The following SPINK5 variants were observed in gnomAD, a reference collection of about 807,000 sequenced individuals.
SPINK5 encodes the protein serine peptidase inhibitor Kazal type 5.
In SPINK5, 125 loss-of-function variants were observed where a neutral mutation model predicts 151.8. The ratio of observed to expected loss-of-function variants is 0.82; its 90% CI spans 0.71 to 0.96. SPINK5 has a LOEUF of 0.96. Among genes scored for constraint, SPINK5 ranks in the 40% least tolerant of loss-of-function variants. SPINK5 has a pLI of 0.00. For missense variants in SPINK5, 1,194 were observed against 1,291.9 expected, an observed-to-expected ratio of 0.92 and a Z score of 1.16; for synonymous variants, 374 against 395.3, an observed-to-expected ratio of 0.95 and a Z score of 0.64.
intron 29 of SPINK5, among the ~76,000 whole-genome samples, 192 bp downstream of exon 29, chr5:148,126,042 A>T (rs2035622010): frequency 1.3e-5 from 2 of 152,226 alleles, no homozygotes; most frequent in African/African-American, 4.8e-5. Context: ...AAAATTCCGT[A>T]TGTAAGTTCT....
chr5:148,108,900 T>G lies in SPINK5; in HGVS notation c.1692+63T>G, dbSNP rs1753849577. 4.4e-6 allele frequency: 7 copies of G among 1,599,318 alleles called. No individual in the cohort carries two copies. In the South Asian group the frequency reaches 7.8e-5, roughly 18 times the overall value. On this transcript the variant is annotated intron_variant, in intron 18 of 32. Transcript: ENST00000256084. ...AACGATCACTCTCCCTAGGGAGGGC[T>G]CCTATTCCCTCCTCCTCATTCCAGT...
chr5:148,091,118 A>T, intron 7 of SPINK5, 47 bp from the exon 8 acceptor site: 1 of 1,522,806 alleles, frequency 6.6e-7, no homozygotes. Flanking sequence ...GGATACTGAA[A>T]ATATGATTGA....
Position 148,096,027 on chromosome 5 carries a change from G to A in SPINK5, c.882+122G>A, listed in dbSNP as rs11948406. On this transcript the variant is annotated intron_variant, in intron 10 of 32. Transcript: ENST00000256084. ...TTGTTTAATATTTTCCACACTACTA[G>A]TAGGTTTGCTGGAAACTAATTTCTA... 0.49 allele frequency: 381,060 copies of A among 776,296 alleles called. 96,102 individuals are homozygous for A. The highest frequency in any genetic ancestry group is 0.64 in the Admixed American group (28,711 of 44,750). The allele number at this position is 776,296 out of a possible 1,614,324, so 48.1% of individuals were successfully genotyped here.
Position 148,089,513 on chromosome 5 carries a change from G to T in SPINK5, c.494G>T (p.Arg165Leu), listed in dbSNP as rs781071677. The change falls in exon 7 of 33, where the codon CGG (arginine) becomes CTG (leucine). Residue 165 changes from arginine (R) to leucine (L), a missense_variant. Transcript: ENST00000256084. ...CTTCAGGATGTATGCAGTGCTTTTC[G>T]GCCCTTTGTTAGAGATGGAAGACTT... ...NPEQDVCSAF[R>L]PFVRDGRLGC... The T allele has an allele frequency of 6.2e-7, 1 of 1,611,418 alleles. No homozygotes were observed. Among genetic ancestry groups the T allele is most frequent in the African/African-American group, 1.3e-5 (1 of 74,574 alleles).
intron 6 of SPINK5, chr5:148,089,156 G>T (rs1483019312): frequency 2.1e-6 from 1 of 470,822 alleles, no homozygotes; most frequent in Non-Finnish European, 4.2e-6. Flanking sequence ...GAGCACCTGA[G>T]GTGACTTGCA....
intron 22 of SPINK5, 28 bp downstream of exon 22, chr5:148,116,494 T>C: frequency 6.2e-7 from 1 of 1,609,208 alleles, no homozygotes; most frequent in Non-Finnish European, 8.5e-7. Context: ...TTTCAGTAAC[T>C]GGGGCGGGCT....
chr5:148,064,379 T>C (rs184489536), intron 1 of SPINK5, among the ~76,000 whole-genome samples: 1 of 152,334 alleles, frequency 6.6e-6, no homozygotes, highest in African/African-American at 2.4e-5. Flanking sequence ...TAGATTCTTC[T>C]TCATCTTCCT....
Position 148,086,422 on chromosome 5 carries a change from TA to T in SPINK5, c.306del (p.Gly103GlufsTer43). ...TTTTGCAGCTGAATTGTGATGATTTTAAAAAAGGAGAAAGAGATGGGGATTT... is the reference window on the plus strand; with the variant it reads ...TTTTGCAGCTGAATTGTGATGATTTTAAAAAGGAGAAAGAGATGGGGATTT... Reference protein sequence around the residue: ...APTELNCDDFKKGERDGDFIC... With the variant: ...APTELNCDDFXKGERDGDFIC... On this transcript the variant is annotated frameshift_variant, in exon 5 of 33. Transcript: ENST00000256084. LOFTEE classifies it high-confidence loss of function. The T allele has an allele frequency of 6.2e-7, 1 of 1,611,198 alleles. No homozygotes were observed. Among genetic ancestry groups the T allele is most frequent in the Non-Finnish European group, 8.5e-7 (1 of 1,178,514 alleles).
chr5:148,112,293 ATATCTT>A (rs1335623947), intron 19 of SPINK5, among the ~76,000 whole-genome samples: 1 of 152,216 alleles, frequency 6.6e-6, no homozygotes, highest in South Asian at 2.1e-4. Context: ...GAGAAGAACA[ATATCTT>A]TATTTTTCAA....
chr5:148,099,818 C>T (rs1002040199), intron 12 of SPINK5, among the ~76,000 whole-genome samples: 4 of 152,106 alleles, frequency 2.6e-5, no homozygotes, highest in African/African-American at 9.7e-5. Flanking sequence ...CCTTGCCCAA[C>T]CAGTCTCCCT....
rs752634689 is a variant in SPINK5 at position 148,112,888 on chromosome 5, AAGAAAG to A, written c.1844_1849del (p.Glu615_Arg616del). ...TATAGCCAGCAAGAAGCAAAAGAAA[AAGAAAG>A]AGCTGAACCCAGAGCAAAAGTCAAA... On this transcript the variant is annotated inframe_deletion, in exon 20 of 33. Transcript: ENST00000256084. 11 of 1,613,880 alleles carry A rather than the reference AAGAAAG, an allele frequency of 6.8e-6. No homozygotes were observed. Among genetic ancestry groups the A allele is most frequent in the Admixed American group, 5.0e-5 (3 of 59,958 alleles).
At chr5:148,112,680 A>G (rs980953519) in intron 19 of SPINK5, among the ~76,000 whole-genome samples, 188 bp from the exon 20 acceptor site, 1 of 149,764 alleles carries the variant, frequency 6.7e-6, no homozygotes, top group South Asian at 2.2e-4. Context: ...TCAAAAAAAA[A>G]CCAAAAAACA....
chr5:148,068,565 AAAAAAAAAAAAAAAAAG>A (rs1255344241), intron 2 of SPINK5, among the ~76,000 whole-genome samples: 89 of 144,408 alleles, frequency 6.2e-4, no homozygotes, highest in African/African-American at 2.4e-3. Flanking sequence ...AAAAAAAAAA[AAAAAAAAAAAAAAAAAG>A]AAAGAAAGAA....
rs748767271 is a variant in SPINK5 at position 148,120,147 on chromosome 5, T to C, written c.2441+11T>C. 1 of 1,614,138 alleles carries C rather than the reference T, an allele frequency of 6.2e-7. No homozygotes were observed. Among genetic ancestry groups the C allele is most frequent in the Non-Finnish European group, 8.5e-7 (1 of 1,179,972 alleles). On this transcript the variant is annotated intron_variant, in intron 25 of 32. Coordinates refer to ENST00000256084, the MANE Select transcript of SPINK5 (RefSeq NM_006846.4). Reference sequence around the variant, plus strand: ...GTGTAAGGAAAAACTGTGAGTATGTTTCAAAATGAGCTTTTGACTGTGAGT... The same window carrying C: ...GTGTAAGGAAAAACTGTGAGTATGTCTCAAAATGAGCTTTTGACTGTGAGT...
chr5:148,068,618 C>A (rs553543898), intron 2 of SPINK5, among the ~76,000 whole-genome samples: 1 of 144,416 alleles, frequency 6.9e-6, no homozygotes, highest in African/African-American at 2.6e-5. Context: ...GCACAAAACA[C>A]CAGATATAGA....
chr5:148,129,516 A>AG (rs1754522945), intron 30 of SPINK5, among the ~76,000 whole-genome samples: 6 of 30,924 alleles, frequency 1.9e-4, no homozygotes, highest in Non-Finnish European at 6.4e-4. Flanking sequence ...TAAAAAAATG[A>AG]AGAGAGAGAG....
At chr5:148,093,242 A>G (rs1753360996) in intron 8 of SPINK5, among the ~76,000 whole-genome samples, 1 of 151,934 alleles carries the variant, frequency 6.6e-6, no homozygotes, top group East Asian at 1.9e-4. Flanking sequence ...TTTTTTGGTA[A>G]AGTTTAGCCC....
At chr5:148,089,462 G>C in intron 6 of SPINK5, 32 bp from the exon 7 acceptor site, 1 of 1,602,630 alleles carries the variant, frequency 6.2e-7, no homozygotes, top group Non-Finnish European at 8.5e-7. Context: ...TACAATCTTG[G>C]TAAGTTTCAA....
intron 4 of SPINK5, among the ~76,000 whole-genome samples, chr5:148,084,031 T>C (rs1368147163): frequency 1.3e-5 from 2 of 151,908 alleles, no homozygotes; most frequent in Non-Finnish European, 2.9e-5. Context: ...GTTATTGTTT[T>C]ACATTTGTTT....
Sources: gnomAD v4.1 joint callset for allele counts (sites outside exome capture counted in the v4.1 genomes callset) on GRCh38, gnomAD v4.1.1 for gene constraint, MANE v1.5 for transcripts, NCBI Gene and HGNC (gene_info 2026-07-23, HGNC 2026-07-21) for gene names.